The following GLRA2 variants were observed in gnomAD, a reference collection of about 807,000 sequenced individuals.
GLRA2 encodes the protein glycine receptor subunit alpha-2.
In GLRA2, 11 loss-of-function variants were observed where a neutral mutation model predicts 31.6. That is an observed-to-expected ratio of 0.35 (90% CI 0.22 to 0.58). The LOEUF (loss-of-function observed/expected upper bound fraction) is 0.58. GLRA2 is among the 20% of genes least tolerant of loss of function. The probability of loss-of-function intolerance (pLI) is 0.84; values close to 1 mark genes in which losing one functional copy is unlikely to be tolerated. For synonymous variants in GLRA2, 132 were observed against 134.0 expected (o/e 0.99, Z 0.10); for missense variants, 212 against 351.8 (o/e 0.60, Z 3.18).
At chrX:14,628,310 TTTAA>T (rs2090610125) in intron 7 of GLRA2, among the ~76,000 whole-genome samples, 1 of 111,581 alleles carries the variant, frequency 9.0e-6, no homozygotes, top group South Asian at 3.7e-4. Flanking sequence ...CAAAATAGAA[TTTAA>T]TTAGAGATGT....
intron 8 of GLRA2, among the ~76,000 whole-genome samples, chrX:14,698,273 G>A (rs2091478173): frequency 9.0e-6 from 1 of 111,511 alleles, no homozygotes; most frequent in Admixed American, 9.5e-5. Flanking sequence ...TTGCCCCTGA[G>A]GCCTCACTTG....
intron 7 of GLRA2, among the ~76,000 whole-genome samples, chrX:14,688,750 G>A (rs965024806): frequency 9.1e-6 from 1 of 110,142 alleles, no homozygotes; most frequent in African/African-American, 3.3e-5. Context: ...TGCGCTTCCC[G>A]GGTGAGGCAA....
the GLRA2 span, among the ~76,000 whole-genome samples, chrX:14,459,551 AGCAGTG>A: frequency 9.0e-6 from 1 of 110,693 alleles, no homozygotes; most frequent in Non-Finnish European, 1.9e-5. Context: ...TATTTCATTG[AGCAGTG>A]GTTTGTAGTT....
At chrX:14,719,275 T>C (rs143484769) in intron 8 of GLRA2, among the ~76,000 whole-genome samples, 26 of 112,127 alleles carry the variant, frequency 2.3e-4, no homozygotes, top group African/African-American at 7.8e-4. Context: ...ACCTGAAGAA[T>C]AGGAGAAGAC....
the GLRA2 span, among the ~76,000 whole-genome samples, chrX:14,459,188 T>C: frequency 2.0e-3 from 219 of 111,767 alleles, 2 homozygotes; most frequent in Admixed American, 3.7e-3. Context: ...GTTGTAGATA[T>C]GCAGCGCTAT....
the GLRA2 span, among the ~76,000 whole-genome samples, chrX:14,470,569 T>C: frequency 9.0e-6 from 1 of 111,422 alleles, no homozygotes; most frequent in Non-Finnish European, 1.9e-5. Context: ...AATTCTAATA[T>C]CTGAATAATA....
At chrX:14,568,874 C>T (rs985695260) in intron 2 of GLRA2, among the ~76,000 whole-genome samples, 50 of 111,261 alleles carry the variant, frequency 4.5e-4, no homozygotes, top group African/African-American at 1.6e-3. Flanking sequence ...TAGGGGTAAA[C>T]GTTCATTACC....
upstream of GLRA2, among the ~76,000 whole-genome samples, chrX:14,526,489 A>G (rs1343554168): frequency 1.8e-5 from 2 of 112,215 alleles, no homozygotes; most frequent in African/African-American, 6.5e-5. Context: ...CTGCAGCAGT[A>G]CAGGCAAGAG....
At chrX:14,498,735 C>T in the GLRA2 span, among the ~76,000 whole-genome samples, 1 of 111,116 alleles carries the variant, frequency 9.0e-6, no homozygotes, top group Non-Finnish European at 1.9e-5. Context: ...TATCTTTATA[C>T]TCATTAATCA....
chrX:14,621,191 T>G (rs2090511372), intron 7 of GLRA2, among the ~76,000 whole-genome samples: 1 of 111,411 alleles, frequency 9.0e-6, no homozygotes, highest in African/African-American at 3.3e-5. Flanking sequence ...GGAGTTTGTC[T>G]TAATAAGGAA....
intron 8 of GLRA2, among the ~76,000 whole-genome samples, chrX:14,711,125 A>G (rs1423043591): frequency 8.9e-6 from 1 of 112,144 alleles, no homozygotes; most frequent in Non-Finnish European, 1.9e-5. Context: ...AATACTTGTC[A>G]TATCAGCCAG....
At chrX:14,677,974 C>T (rs1226922761) in intron 7 of GLRA2, among the ~76,000 whole-genome samples, 1 of 112,071 alleles carries the variant, frequency 8.9e-6, no homozygotes, top group African/African-American at 3.2e-5. Flanking sequence ...CTGTCCTGTG[C>T]ATAATAGGAT....
intron 7 of GLRA2, among the ~76,000 whole-genome samples, chrX:14,618,533 CT>C (rs781650951): frequency 2.7e-5 from 3 of 111,489 alleles, no homozygotes; most frequent in Non-Finnish European, 5.7e-5. Flanking sequence ...TATTAGAAAG[CT>C]TTCAGCTGAT....
intron 7 of GLRA2, among the ~76,000 whole-genome samples, chrX:14,678,749 C>T (rs1478469285): frequency 9.0e-6 from 1 of 111,577 alleles, no homozygotes; most frequent in Non-Finnish European, 1.9e-5. Flanking sequence ...CCTTCATATC[C>T]TCAATGAATT....
intron 7 of GLRA2, among the ~76,000 whole-genome samples, chrX:14,613,475 A>C (rs760146643): frequency 9.0e-6 from 1 of 111,053 alleles, no homozygotes; most frequent in African/African-American, 3.3e-5. Flanking sequence ...AAAAACAAAG[A>C]AAGCAAAACA....
chrX:14,687,412 T>A (rs761876653), intron 7 of GLRA2, among the ~76,000 whole-genome samples: 1 of 112,274 alleles, frequency 8.9e-6, no homozygotes, highest in African/African-American at 3.2e-5. Context: ...CCAACTTGGT[T>A]CCATTATCCT....
At chrX:14,581,558 G>A in intron 4 of GLRA2, 152 bp downstream of exon 4, 1 of 447,809 alleles carries the variant, frequency 2.2e-6, no homozygotes, top group Non-Finnish European at 3.9e-6. Context: ...AGTGTCAGAA[G>A]TCCCTTTGGT....
At chrX:14,721,988 A>G (rs781182481) in intron 8 of GLRA2, among the ~76,000 whole-genome samples, 1 of 111,985 alleles carries the variant, frequency 8.9e-6, no homozygotes, top group Non-Finnish European at 1.9e-5. Flanking sequence ...CAGTCTTCCA[A>G]CAACCTCCTT....
intron 4 of GLRA2, among the ~76,000 whole-genome samples, chrX:14,582,227 C>A (rs1245915426): frequency 1.2e-5 from 1 of 86,905 alleles, no homozygotes; most frequent in Non-Finnish European, 2.3e-5. Context: ...CTCCCCACCC[C>A]CACAACAGTC....
Sources: allele counts gnomAD v4.1 joint callset (sites outside exome capture counted in the v4.1 genomes callset), GRCh38; gene constraint gnomAD v4.1.1; transcripts MANE v1.5; gene names NCBI Gene and HGNC (gene_info 2026-07-23, HGNC 2026-07-21).